OTOF: variants seen among roughly 807,000 people sequenced by gnomAD.
OTOF encodes the protein fer-1-like family member 2.
Under a neutral mutation model 236.8 loss-of-function variants are expected in OTOF, and 218 were observed. The ratio of observed to expected loss-of-function variants is 0.92; its 90% CI spans 0.82 to 1.03. The LOEUF (loss-of-function observed/expected upper bound fraction) is 1.03. Among genes scored for constraint, OTOF ranks in the 50% least tolerant of loss-of-function variants. The pLI is 0.00. For synonymous variants in OTOF, 1,041 were observed against 1,072.5 expected (o/e 0.97, Z 0.57); for missense variants, 2,590 against 2,694.4 (o/e 0.96, Z 0.86).
At chr2:26,553,777 G>A (rs993347336) in intron 1 of OTOF, among the ~76,000 whole-genome samples, 4 of 152,098 alleles carry the variant, frequency 2.6e-5, no homozygotes, top group Admixed American at 1.3e-4. Context: ...CTCCTTTCCC[G>A]TCTGCCCTTT....
At position 26,474,688 on chromosome 2, in the gene OTOF, C is replaced by T; in HGVS notation, c.3127-14G>A. ...GTCAGCTTTGCCCTGACGCAACAGA[C>T]AACCCAGAAGCCTCTTGGTGCTTGC... On this transcript the variant is annotated splice_polypyrimidine_tract_variant and intron_variant, in intron 25 of 46. Coordinates refer to ENST00000272371, the MANE Select transcript of OTOF (RefSeq NM_194248.3). The T allele has an allele frequency of 6.2e-7, 1 of 1,613,198 alleles. No homozygotes were observed. Among genetic ancestry groups the T allele is most frequent in the Non-Finnish European group, 8.5e-7 (1 of 1,179,992 alleles).
In OTOF at chr2:26,473,874, C is replaced by T; in HGVS notation, c.3408+117G>A. 1 of 1,395,014 alleles carries T rather than the reference C, an allele frequency of 7.2e-7. No individual in the cohort carries two copies. Among genetic ancestry groups the T allele is most frequent in the Non-Finnish European group, 1.0e-6 (1 of 985,238 alleles). 86.4% of individuals were successfully genotyped at this position (1,395,014 alleles called of 1,614,324 possible). On this transcript the variant is annotated intron_variant, in intron 27 of 46. Coordinates refer to ENST00000272371, the MANE Select transcript of OTOF (RefSeq NM_194248.3). This position sits in a 1 kb window ranked among gnomAD's most constrained non-coding sequence, Gnocchi z 7.2. The stretch of plus-strand genomic sequence containing the variant: ...GGCAGGCCCTGGGCTGGGGCAGGAG[C>T]CTGGGTCTGCTGCTGGCTCCTGGTG...
At chr2:26,534,306 T>C (rs1364955488) in intron 2 of OTOF, among the ~76,000 whole-genome samples, 1 of 152,184 alleles carries the variant, frequency 6.6e-6, no homozygotes, top group Non-Finnish European at 1.5e-5. Flanking sequence ...ACAGGGCCTG[T>C]GTTAGAGCCA....
At chr2:26,518,312 G>C (rs1198271611) in intron 4 of OTOF, among the ~76,000 whole-genome samples, 2 of 152,346 alleles carry the variant, frequency 1.3e-5, no homozygotes, top group East Asian at 3.9e-4. Flanking sequence ...CCTGGGAGGT[G>C]GATAATGTAA....
chr2:26,513,196 C>T (rs1471321506), intron 5 of OTOF, among the ~76,000 whole-genome samples: 1 of 152,154 alleles, frequency 6.6e-6, no homozygotes, highest in Admixed American at 6.6e-5. Flanking sequence ...AACGGGGTAA[C>T]TTCATGGCAG....
At chr2:26,556,493 C>T (rs943223201) in intron 1 of OTOF, among the ~76,000 whole-genome samples, 3 of 152,208 alleles carry the variant, frequency 2.0e-5, no homozygotes, top group East Asian at 1.9e-4. Context: ...CCCATGGCCA[C>T]CTCCTGCCAA....
At chr2:26,458,667 A>G (rs1263337509) in intron 46 of OTOF, among the ~76,000 whole-genome samples, 4 of 152,112 alleles carry the variant, frequency 2.6e-5, no homozygotes, top group Admixed American at 2.6e-4. Flanking sequence ...GCCCTCACCG[A>G]CCTGCCCACT....
In OTOF at chr2:26,474,634, AG is replaced by A. The variant is rs1665168742; in HGVS notation, c.3166del (p.Leu1056TrpfsTer2). ...GTACGCCTCGTCTGCCATCTTCACCAGGGGTTTGGCGAAGGTCCGGCCCATG... is the reference window on the plus strand; with the variant it reads ...GTACGCCTCGTCTGCCATCTTCACCAGGGTTTGGCGAAGGTCCGGCCCATG... ...DFMGRTFAKP[L>X]VKMADEAYCP... On this transcript the variant is annotated frameshift_variant, in exon 26 of 47. Transcript: ENST00000272371. LOFTEE classifies it high-confidence loss of function. The A allele has an allele frequency of 6.2e-7, 1 of 1,613,190 alleles. No homozygotes were observed. The highest frequency in any genetic ancestry group is 1.3e-5 in the African/African-American group (1 of 74,910).
At chr2:26,519,234 G>A (rs1406841448) in intron 3 of OTOF, 125 bp from the exon 4 acceptor site, 24 of 700,994 alleles carry the variant, frequency 3.4e-5, no homozygotes, top group Non-Finnish European at 5.6e-5. Flanking sequence ...CTCTGGGCTG[G>A]GCTGGAGAAG....
At position 26,458,033 on chromosome 2, in the gene OTOF, G is replaced by C; in HGVS notation, c.*205C>G. 6.2e-7 allele frequency: 1 copy of C among 1,610,270 alleles called. No homozygotes were observed. Among genetic ancestry groups the C allele is most frequent in the Non-Finnish European group, 8.5e-7 (1 of 1,177,284 alleles). On this transcript the variant is annotated 3_prime_UTR_variant, in exon 47 of 47. Transcript: ENST00000272371. Reference sequence around the variant, plus strand: ...GCTGGGGAGCGGCTGGCGGGAGCTGGCGGCCTTCATGCCCCAAGGAGCTTT... The same window carrying C: ...GCTGGGGAGCGGCTGGCGGGAGCTGCCGGCCTTCATGCCCCAAGGAGCTTT...
At chr2:26,488,145 A>G (rs973830140) in intron 11 of OTOF, among the ~76,000 whole-genome samples, 1 of 152,236 alleles carries the variant, frequency 6.6e-6, no homozygotes, top group Non-Finnish European at 1.5e-5. Context: ...GACGTCTCTT[A>G]GGTTGAACCA....
intron 5 of OTOF, among the ~76,000 whole-genome samples, chr2:26,510,086 C>T (rs1333908469): frequency 6.6e-6 from 1 of 152,158 alleles, no homozygotes; most frequent in Non-Finnish European, 1.5e-5. Context: ...CCCTTGTGAC[C>T]AGCCCCTCCC....
In OTOF at chr2:26,467,202, T is replaced by C. The variant is rs1416813237; in HGVS notation, c.4259A>G (p.Asp1420Gly). 2 of 1,614,080 alleles carry C rather than the reference T, an allele frequency of 1.2e-6. No individual in the cohort carries two copies. The highest frequency in any genetic ancestry group is 1.7e-5 in the Admixed American group (1 of 60,016). Residue 1420 changes from aspartate to glycine, a missense_variant, in exon 35 of 47, where the codon GAT (aspartate) becomes GGT (glycine). By Grantham distance (94) the Asp-to-Gly change is moderately conservative. This residue lies in a region of OTOF where 1,211 missense variants were observed against 1,352.8 expected (regional missense o/e 0.90). Transcript: ENST00000272371. ...AGTGTGCAGCCAGTCCTCAAAGTTA[T>C]CAAACTCGGACTCCAGCTCTTTGGG... ...VYPKELESEF[D>G]NFEDWLHTFN...
Position 26,477,517 on chromosome 2 carries a change from G to A in OTOF, c.2316-11C>T, listed in dbSNP as rs1220978263. On this transcript the variant is annotated splice_polypyrimidine_tract_variant and intron_variant, in intron 19 of 46. Coordinates refer to ENST00000272371, the MANE Select transcript of OTOF (RefSeq NM_194248.3). The surrounding 1 kb of genome is among the most constrained non-coding windows in gnomAD (Gnocchi z 4.7). ...AGGGAGAGGAAGCGGCTGGGGGTAG[G>A]GCGAGCCGGGGTTTAGCGAGCCTGA... 6.3e-7 allele frequency: 1 copy of A among 1,599,416 alleles called. No homozygotes were observed. Among genetic ancestry groups the A allele is most frequent in the South Asian group, 1.1e-5 (1 of 89,104 alleles).
At chr2:26,503,698 G>T in intron 6 of OTOF, 74 bp downstream of exon 6, 1 of 1,352,942 alleles carries the variant, frequency 7.4e-7, no homozygotes, top group Non-Finnish European at 1.1e-6. Context: ...TTTGGCAGCC[G>T]GGCAGGGGCT....
rs377039395 is a variant in OTOF, at chr2:26,472,690, G to A, written c.3734-41C>T. On this transcript the variant is annotated intron_variant, in intron 29 of 46. Transcript: ENST00000272371. ...GATGGACAGACAGGCAGAGGAAGGA[G>A]CAAGAGGAACAGTGAGATTGGCGGG... is the stretch of plus-strand genomic sequence containing the variant. The A allele has an allele frequency of 5.6e-6, 9 of 1,607,360 alleles. No individual in the cohort carries two copies. In the African/African-American group the frequency reaches 9.3e-5, roughly 17 times the overall value.
chr2:26,480,256 G>C lies in OTOF; in HGVS notation c.1859C>G (p.Ser620Ter). ...FFLFGAFLEASMIDRRNGDKP... is the reference protein window; with the variant it reads ...FFLFGAFLEA ...GTCTCCGTTTCTCCGGTCGATCATTGAGGCCTCCAGGAAGGCTCCAAAGAG... is the reference window on the plus strand; with the variant it reads ...GTCTCCGTTTCTCCGGTCGATCATTCAGGCCTCCAGGAAGGCTCCAAAGAG... Residue 620 changes from serine to a stop codon, truncating the protein, a stop_gained, in exon 16 of 47, where the codon TCA becomes TGA. Transcript: ENST00000272371. LOFTEE classifies it high-confidence loss of function. 1 of 1,613,094 alleles carries C rather than the reference G, an allele frequency of 6.2e-7. No individual in the cohort carries two copies. Among genetic ancestry groups the C allele is most frequent in the Non-Finnish European group, 8.5e-7 (1 of 1,179,674 alleles).
rs766336349 is a variant in OTOF, at chr2:26,473,208, G to C, written c.3657C>G (p.Gly1219=). The C allele has an allele frequency of 2.5e-6, 4 of 1,613,214 alleles. No individual in the cohort carries two copies. The highest frequency in any genetic ancestry group is 3.4e-6 in the Non-Finnish European group (4 of 1,180,004). The change falls in exon 29 of 47, where the codon GGC becomes GGG. Residue 1219 remains glycine (G), a synonymous_variant. Coordinates refer to ENST00000272371, the MANE Select transcript of OTOF (RefSeq NM_194248.3). This position sits in a 1 kb window ranked among gnomAD's most constrained non-coding sequence, Gnocchi z 7.2. ...GTCGCAGGGAGCTGACGGCATGGGAGCCCACCAGTGTGTAGCGACCGAAGG... is the reference window on the plus strand; with the variant it reads ...GTCGCAGGGAGCTGACGGCATGGGACCCCACCAGTGTGTAGCGACCGAAGG... ...CRAFGRYTLV[G]SHAVSSLRRF...
At chr2:26,556,214 G>A (rs987537063) in intron 1 of OTOF, among the ~76,000 whole-genome samples, 5 of 152,184 alleles carry the variant, frequency 3.3e-5, no homozygotes, top group Admixed American at 1.3e-4. Flanking sequence ...CTCCCTCTGC[G>A]TGTTTACCAG....
Sources: gnomAD v4.1 joint callset for allele counts (sites outside exome capture counted in the v4.1 genomes callset) on GRCh38, gnomAD v4.1.1 for gene constraint, gnomAD v4.1.1 regional missense constraint, Gnocchi (gnomAD v3.1) non-coding constraint, MANE v1.5 for transcripts, NCBI Gene and HGNC (gene_info 2026-07-23, HGNC 2026-07-21) for gene names.